The following DLG2 variants were observed in gnomAD, a reference collection of about 807,000 sequenced individuals.
DLG2 encodes disks large homolog 2.
DLG2 carries 45 observed loss-of-function variants against 132.5 expected under a neutral mutation model. The observed-to-expected ratio is 0.34, with a 90% CI of 0.27 to 0.44. The LOEUF is 0.44. DLG2 is among the 20% of genes least tolerant of loss of function. The pLI, the probability that DLG2 is intolerant of heterozygous loss-of-function variation, is 1.00. For synonymous variants in DLG2, 424 were observed against 419.6 expected, an observed-to-expected ratio of 1.01 and a Z score of -0.13; for missense variants, 1,045 against 1,196.9, an observed-to-expected ratio of 0.87 and a Z score of 1.87.
intron 4 of DLG2, among the ~76,000 whole-genome samples, chr11:85,190,604 G>C (rs2080449039): frequency 6.6e-6 from 1 of 151,994 alleles, no homozygotes; most frequent in South Asian, 2.1e-4. Context: ...AAACAAGATT[G>C]ATAGATTGCT....
chr11:84,018,399 C>T (rs1164052245), intron 11 of DLG2, among the ~76,000 whole-genome samples: 1 of 151,976 alleles, frequency 6.6e-6, no homozygotes, highest in African/African-American at 2.4e-5. Context: ...GAATCAATCA[C>T]TTACAATGCC....
At chr11:84,662,786 CAAA>C (rs752017709) in intron 6 of DLG2, among the ~76,000 whole-genome samples, 4 of 80,290 alleles carry the variant, frequency 5.0e-5, no homozygotes, top group African/African-American at 8.9e-5. Context: ...GACTCTGTCA[CAAA>C]AAAAAAAAAA....
chr11:84,487,750 A>G (rs956065888), intron 7 of DLG2, among the ~76,000 whole-genome samples: 1 of 152,116 alleles, frequency 6.6e-6, no homozygotes, highest in Non-Finnish European at 1.5e-5. Context: ...GGATTGTGTA[A>G]AGGACACAGC....
intron 17 of DLG2, among the ~76,000 whole-genome samples, chr11:83,795,611 G>T (rs2042641996): frequency 6.6e-6 from 1 of 151,996 alleles, no homozygotes. Flanking sequence ...ATCTTAATGT[G>T]AAGATGAGTG....
intron 4 of DLG2, among the ~76,000 whole-genome samples, chr11:85,221,408 G>T (rs372631022): frequency 6.6e-6 from 1 of 152,248 alleles, no homozygotes; most frequent in East Asian, 1.9e-4. Flanking sequence ...TAGACAGATA[G>T]ACATAGAGTA....
At chr11:83,880,819 A>T (rs1179388395) in intron 15 of DLG2, among the ~76,000 whole-genome samples, 1 of 152,196 alleles carries the variant, frequency 6.6e-6, no homozygotes, top group African/African-American at 2.4e-5. Context: ...ATTATTAAAA[A>T]GTTCTTCCTT....
chr11:84,242,294 C>CA (rs1219996068), intron 8 of DLG2, among the ~76,000 whole-genome samples: 21 of 151,010 alleles, frequency 1.4e-4, no homozygotes, highest in African/African-American at 4.9e-4. Context: ...TAATGCAAGG[C>CA]AAAAAAAGTG....
chr11:84,023,962 C>A (rs532921094), intron 11 of DLG2, among the ~76,000 whole-genome samples: 28 of 152,054 alleles, frequency 1.8e-4, no homozygotes, highest in African/African-American at 6.0e-4. Context: ...ATAAGAATAT[C>A]GTATATAATA....
At chr11:83,622,567 C>T (rs1264718954) in intron 19 of DLG2, among the ~76,000 whole-genome samples, 1 of 152,198 alleles carries the variant, frequency 6.6e-6, no homozygotes, top group African/African-American at 2.4e-5. Flanking sequence ...CCTTTTAACA[C>T]TGCTTTTGTT....
Position 84,536,007 on chromosome 11 carries a change from A to C in DLG2, c.358-1276T>G, listed in dbSNP as rs114299135. 5.7e-3 allele frequency among the ~76,000 whole-genome samples: 856 copies of C among 151,334 alleles called. 10 individuals carry two copies. Among genetic ancestry groups the C allele is most frequent in the African/African-American group, 0.02 (816 of 40,974 alleles). Reference sequence around the variant, plus strand: ...AGCTCTCAGACTGACTCATAGTGGAAAAGTAACAAGAACCACTCCAGGGAT... The same window carrying C: ...AGCTCTCAGACTGACTCATAGTGGACAAGTAACAAGAACCACTCCAGGGAT... On this transcript the variant is annotated intron_variant, in intron 6 of 27. Coordinates refer to ENST00000376104, the MANE Select transcript of DLG2 (RefSeq NM_001142699.3).
chr11:85,520,493 T>G (rs565348833), intron 3 of DLG2, among the ~76,000 whole-genome samples: 1 of 143,552 alleles, frequency 7.0e-6, no homozygotes, highest in East Asian at 2.0e-4. Context: ...CAGAAAAAAA[T>G]AGTCCTAAAA....
chr11:85,186,050 T>C (rs367616831), intron 4 of DLG2, among the ~76,000 whole-genome samples: 1 of 152,018 alleles, frequency 6.6e-6, no homozygotes, highest in Admixed American at 6.6e-5. Flanking sequence ...CTTTAGTTTG[T>C]TTTGACATTA....
At chr11:84,502,309 T>C (rs1486273228) in intron 7 of DLG2, among the ~76,000 whole-genome samples, 3 of 3,320 alleles carry the variant, frequency 9.0e-4, no homozygotes, top group East Asian at 3.6e-3. Context: ...TTTCTTTCTT[T>C]CTTTCTTTCT....
At chr11:85,510,476 CAAAGGGCT>C (rs2094035777) in intron 3 of DLG2, among the ~76,000 whole-genome samples, 1 of 151,856 alleles carries the variant, frequency 6.6e-6, no homozygotes, top group South Asian at 2.1e-4. Context: ...ACTCATCTGA[CAAAGGGCT>C]AATATCCAGA....
At chr11:84,974,578 CTT>C (rs1231414876) in intron 6 of DLG2, among the ~76,000 whole-genome samples, 1 of 152,180 alleles carries the variant, frequency 6.6e-6, no homozygotes, top group African/African-American at 2.4e-5. Context: ...GAAGAGAAAA[CTT>C]TGCATGAACA....
chr11:84,605,204 G>A (rs1282319443), intron 6 of DLG2, among the ~76,000 whole-genome samples: 1 of 151,852 alleles, frequency 6.6e-6, no homozygotes, highest in Admixed American at 6.6e-5. Flanking sequence ...CAATGTAACA[G>A]TACTAGGCAA....
At chr11:84,197,355 C>G (rs1003121089) in intron 8 of DLG2, among the ~76,000 whole-genome samples, 12 of 152,078 alleles carry the variant, frequency 7.9e-5, no homozygotes, top group Non-Finnish European at 1.5e-5. Context: ...ATATAAAACA[C>G]AAATCATTCA....
intron 6 of DLG2, among the ~76,000 whole-genome samples, chr11:84,546,158 G>T (rs1337535089): frequency 6.6e-6 from 1 of 152,160 alleles, no homozygotes; most frequent in East Asian, 1.9e-4. Context: ...ACTGCTGGAG[G>T]TGGGGCCTGG....
At chr11:83,693,655 T>C (rs961965636) in intron 18 of DLG2, 4 of 152,198 alleles carry the variant, frequency 2.6e-5, no homozygotes, top group Non-Finnish European at 5.9e-5. Flanking sequence ...ACACTCTAAA[T>C]GTGGAAGGCA....
Sources: allele counts gnomAD v4.1 joint callset (sites outside exome capture counted in the v4.1 genomes callset), GRCh38; gene constraint gnomAD v4.1.1; transcripts MANE v1.5; gene names NCBI Gene and HGNC (gene_info 2026-07-23, HGNC 2026-07-21).